The following SORCS3 variants were observed in gnomAD, a reference collection of about 807,000 sequenced individuals.
The protein encoded by SORCS3 is sortilin related VPS10 domain containing receptor 3.
SORCS3 carries 57 observed loss-of-function variants against 146.3 expected under a neutral mutation model. The ratio of observed to expected loss-of-function variants is 0.39; its 90% CI spans 0.31 to 0.49. SORCS3 has a LOEUF of 0.49. Ranked by LOEUF, SORCS3 falls within the 20% of genes least tolerant of loss-of-function variation. The probability of loss-of-function intolerance (pLI) is 0.92; values close to 1 mark genes in which losing one functional copy is unlikely to be tolerated. For synonymous variants in SORCS3, 653 were observed against 618.5 expected (o/e 1.06, Z -0.83); for missense variants, 1,341 against 1,575.5 (o/e 0.85, Z 2.52).
At chr10:104,737,437 C>T (rs1242029294) in intron 1 of SORCS3, among the ~76,000 whole-genome samples, 1 of 152,172 alleles carries the variant, frequency 6.6e-6, no homozygotes, top group African/African-American at 2.4e-5. Context: ...CTCTCCAGCA[C>T]CTGTTGTTTC....
rs768026008 is a variant in SORCS3 at position 105,200,087 on chromosome 10, G to A, written c.2098G>A (p.Asp700Asn). The A allele has an allele frequency of 6.2e-7, 1 of 1,613,590 alleles. No individual in the cohort carries two copies. Among genetic ancestry groups the A allele is most frequent in the Admixed American group, 1.7e-5 (1 of 59,990 alleles). ...SIFSRHCTKE[D>N]YQTWHLLNQG... ...CTTCAGCCGGCATTGCACCAAGGAG[G>A]ACTATCAGACCTGGCACCTGCTCAA... Residue 700 changes from aspartate (D) to asparagine (N), a missense_variant, in exon 15 of 27, where the codon GAC becomes AAC. By Grantham distance (23) the Asp-to-Asn change is conservative (BLOSUM62 1). Coordinates refer to ENST00000369701, the MANE Select transcript of SORCS3 (RefSeq NM_014978.3).
chr10:105,196,622 A>G (rs1018979994), intron 14 of SORCS3, among the ~76,000 whole-genome samples: 1 of 152,146 alleles, frequency 6.6e-6, no homozygotes, highest in African/African-American at 2.4e-5. Context: ...AACAGAAAAG[A>G]AAGTTCTCTC....
At chr10:104,940,932 C>A (rs1226607346) in intron 3 of SORCS3, among the ~76,000 whole-genome samples, 1 of 152,170 alleles carries the variant, frequency 6.6e-6, no homozygotes, top group African/African-American at 2.4e-5. Flanking sequence ...ATTGCCCAGT[C>A]AGTCCTAAGC....
At position 105,031,798 on chromosome 10, in the gene SORCS3, C is replaced by T. The variant is rs540040239; in HGVS notation, c.955-11257C>T. Among the ~76,000 whole-genome samples the T allele has an allele frequency of 6.6e-5, 10 of 152,328 alleles. No individual in the cohort carries two copies. The East Asian group carries it at 1.9e-3, about 29-fold the overall frequency. On this transcript the variant is annotated intron_variant, in intron 4 of 26. Transcript: ENST00000369701. ...CCTGAAAACAGTTATAAACATCTTT[C>T]CTTATTGTTCAGTCTTCTCTACCAG...
At chr10:104,889,517 A>G (rs1589537632) in intron 2 of SORCS3, among the ~76,000 whole-genome samples, 1 of 110,434 alleles carries the variant, frequency 9.1e-6, no homozygotes, top group East Asian at 2.6e-4. Context: ...ATAACTATTT[A>G]TTGTGTCAGG....
At position 104,702,889 on chromosome 10, in the gene SORCS3, T is replaced by C. The variant is rs114982407; in HGVS notation, c.627+60935T>C. 2.1e-3 allele frequency among the ~76,000 whole-genome samples: 320 copies of C among 152,312 alleles called. 1 individual carries two copies. The highest frequency in any genetic ancestry group is 7.4e-3 in the African/African-American group (306 of 41,574). ...TCATTCCACAGGGTTGTTGTGAGGA[T>C]CATTCATTCATTCAGTTTCTCTTTA... On this transcript the variant is annotated intron_variant, in intron 1 of 26. Transcript: ENST00000369701.
intron 4 of SORCS3, among the ~76,000 whole-genome samples, chr10:104,983,323 A>G (rs1340596639): frequency 6.6e-6 from 1 of 152,018 alleles, no homozygotes; most frequent in Non-Finnish European, 1.5e-5. Flanking sequence ...TGCTTTTTCT[A>G]TATGATGTCC....
chr10:105,085,786 G>T (rs2055656291), intron 5 of SORCS3, among the ~76,000 whole-genome samples: 1 of 152,108 alleles, frequency 6.6e-6, no homozygotes, highest in Admixed American at 6.5e-5. Flanking sequence ...CCCTGTTTGT[G>T]TGAACCTCTG....
At chr10:104,936,674 C>G (rs1239078931) in intron 3 of SORCS3, among the ~76,000 whole-genome samples, 6 of 152,178 alleles carry the variant, frequency 3.9e-5, no homozygotes, top group Admixed American at 3.9e-4. Flanking sequence ...AGATAAGTCT[C>G]CTTGGCAAAC....
At chr10:104,983,395 T>C (rs1235104144) in intron 4 of SORCS3, among the ~76,000 whole-genome samples, 1 of 152,196 alleles carries the variant, frequency 6.6e-6, no homozygotes, top group East Asian at 1.9e-4. Context: ...ATACATTTAT[T>C]AGAGGGAAAA....
chr10:105,169,740 C>T, intron 13 of SORCS3, among the ~76,000 whole-genome samples: 1 of 152,104 alleles, frequency 6.6e-6, no homozygotes, highest in East Asian at 1.9e-4. Flanking sequence ...AGAGCTATCT[C>T]TATTGTGGAC....
intron 4 of SORCS3, among the ~76,000 whole-genome samples, chr10:105,021,686 C>T (rs980240493): frequency 1.3e-5 from 2 of 152,270 alleles, no homozygotes; most frequent in South Asian, 4.1e-4. Flanking sequence ...TAACATCCAT[C>T]TCTGTGGTTT....
chr10:105,072,125 G>T (rs2055560108), intron 5 of SORCS3, among the ~76,000 whole-genome samples: 1 of 152,094 alleles, frequency 6.6e-6, no homozygotes, highest in Non-Finnish European at 1.5e-5. Flanking sequence ...TTCTTGCTGG[G>T]TTGCAATTCA....
chr10:104,742,946 C>T (rs561123538), intron 1 of SORCS3, among the ~76,000 whole-genome samples: 1 of 152,172 alleles, frequency 6.6e-6, no homozygotes, highest in Admixed American at 6.5e-5. Context: ...TCTAGGAATG[C>T]CCTGTGTGTA....
At chr10:105,259,215 T>C (rs1013690985) in intron 25 of SORCS3, among the ~76,000 whole-genome samples, 2 of 152,204 alleles carry the variant, frequency 1.3e-5, no homozygotes, top group Non-Finnish European at 2.9e-5. Context: ...TGAATTTTAA[T>C]TATACTTAAC....
intron 23 of SORCS3, among the ~76,000 whole-genome samples, chr10:105,253,139 C>G (rs2056911006): frequency 6.6e-6 from 1 of 152,170 alleles, no homozygotes; most frequent in African/African-American, 2.4e-5. Context: ...TGTCTGACAT[C>G]CCTGTGCCAG....
intron 3 of SORCS3, among the ~76,000 whole-genome samples, chr10:104,935,935 C>T (rs753626241): frequency 6.6e-6 from 1 of 152,078 alleles, no homozygotes; most frequent in Non-Finnish European, 1.5e-5. Context: ...GGGCTCAGTA[C>T]AGGGCTCAGG....
chr10:104,862,136 C>A (rs1388491964), intron 2 of SORCS3, among the ~76,000 whole-genome samples: 2 of 152,144 alleles, frequency 1.3e-5, no homozygotes, highest in African/African-American at 4.8e-5. Context: ...GGGGTGGACA[C>A]AATTCAAGTC....
intron 2 of SORCS3, among the ~76,000 whole-genome samples, chr10:104,843,977 GAGGGGAC>G (rs2018175805): frequency 6.6e-6 from 1 of 152,212 alleles, no homozygotes; most frequent in Non-Finnish European, 1.5e-5. Flanking sequence ...TTTTGGAGCA[GAGGGGAC>G]TGGGGTGTGA....
Sources: allele counts gnomAD v4.1 joint callset (sites outside exome capture counted in the v4.1 genomes callset), GRCh38; gene constraint gnomAD v4.1.1; transcripts MANE v1.5; gene names NCBI Gene and HGNC (gene_info 2026-07-23, HGNC 2026-07-21).